ZNF365: variants seen among roughly 807,000 people sequenced by gnomAD.
ZNF365 encodes the protein protein ZNF365.
In ZNF365, 22 loss-of-function variants were observed where a neutral mutation model predicts 35.0. The ratio of observed to expected loss-of-function variants is 0.63; its 90% CI spans 0.45 to 0.90. The LOEUF is 0.90. Ranked by LOEUF, ZNF365 falls within the 40% of genes least tolerant of loss-of-function variation. The probability of loss-of-function intolerance (pLI) is 0.00; values close to 1 mark genes in which losing one functional copy is unlikely to be tolerated. For synonymous variants in ZNF365, 188 were observed against 196.2 expected, an observed-to-expected ratio of 0.96 and a Z score of 0.35; for missense variants, 448 against 500.3, an observed-to-expected ratio of 0.90 and a Z score of 1.00.
At chr10:62,431,461 AT>A (rs906876504) in intron 3 of ZNF365, among the ~76,000 whole-genome samples, 2 of 152,022 alleles carry the variant, frequency 1.3e-5, no homozygotes, top group African/African-American at 2.4e-5. Flanking sequence ...CTTTCCTCTT[AT>A]TTTTTTAACA....
chr10:62,416,913 T>C (rs1343098586), intron 3 of ZNF365, among the ~76,000 whole-genome samples: 6 of 152,014 alleles, frequency 3.9e-5, no homozygotes, highest in Non-Finnish European at 8.8e-5. Context: ...TGTATTACTA[T>C]AATTTAATGT....
At chr10:62,462,262 A>G (rs1261405839) in intron 4 of ZNF365, among the ~76,000 whole-genome samples, 1 of 152,228 alleles carries the variant, frequency 6.6e-6, no homozygotes, top group Admixed American at 6.5e-5. Context: ...TATGTTTTAC[A>G]CTTTCTCTTC....
chr10:62,427,299 T>C (rs1840265042), intron 3 of ZNF365, among the ~76,000 whole-genome samples: 1 of 152,228 alleles, frequency 6.6e-6, no homozygotes, highest in South Asian at 2.1e-4. Context: ...GTACCTTTAG[T>C]ATGTTTAGAT....
intron 4 of ZNF365, among the ~76,000 whole-genome samples, chr10:62,479,168 G>A (rs1369557640): frequency 1.3e-5 from 2 of 152,192 alleles, no homozygotes; most frequent in Admixed American, 6.5e-5. Context: ...TAAATGGCCT[G>A]CAGAAATTCC....
chr10:62,404,080 G>C (rs1232143900), downstream of ZNF365, among the ~76,000 whole-genome samples: 1 of 152,092 alleles, frequency 6.6e-6, no homozygotes. Context: ...TCGAACTATA[G>C]CCCTATGTTA....
At chr10:62,453,539 G>T (rs1207380587) in intron 3 of ZNF365, among the ~76,000 whole-genome samples, 2 of 152,174 alleles carry the variant, frequency 1.3e-5, no homozygotes, top group Non-Finnish European at 2.9e-5. Flanking sequence ...GTTGATGGAT[G>T]GACACTTAGA....
intron 3 of ZNF365, among the ~76,000 whole-genome samples, chr10:62,443,632 T>C (rs1366354427): frequency 6.6e-6 from 1 of 152,040 alleles, no homozygotes; most frequent in African/African-American, 2.4e-5. Context: ...AGAAAATAAA[T>C]GTGATTGTAG....
intron 3 of ZNF365, among the ~76,000 whole-genome samples, chr10:62,450,470 T>C (rs1840662769): frequency 6.6e-6 from 1 of 152,194 alleles, no homozygotes; most frequent in East Asian, 1.9e-4. Flanking sequence ...GTCATTGTCT[T>C]GAGATTCTTA....
intron 3 of ZNF365, among the ~76,000 whole-genome samples, chr10:62,451,010 G>T (rs1840675675): frequency 6.6e-6 from 1 of 152,130 alleles, no homozygotes; most frequent in African/African-American, 2.4e-5. Flanking sequence ...TTTTACAACT[G>T]GGAATAGCTT....
chr10:62,440,872 T>C (rs1165152811), intron 3 of ZNF365, among the ~76,000 whole-genome samples: 2 of 152,182 alleles, frequency 1.3e-5, no homozygotes, highest in Non-Finnish European at 2.9e-5. Flanking sequence ...ATTTAGTAAA[T>C]AACAGAATGA....
At chr10:62,415,085 AT>A (rs34439932) in intron 3 of ZNF365, among the ~76,000 whole-genome samples, 95,610 of 151,752 alleles carry the variant, frequency 0.63, 30,797 homozygotes, top group East Asian at 0.84. Flanking sequence ...TATTTTCCTT[AT>A]TTTTTTGAAC....
chr10:62,421,386 T>C (rs1032105569), intron 3 of ZNF365, among the ~76,000 whole-genome samples: 2 of 152,186 alleles, frequency 1.3e-5, no homozygotes, highest in Non-Finnish European at 2.9e-5. Context: ...CCCAATCTTT[T>C]TAGGGATTAC....
intron 4 of ZNF365, among the ~76,000 whole-genome samples, chr10:62,475,392 C>A (rs1456293506): frequency 6.6e-6 from 1 of 152,118 alleles, no homozygotes; most frequent in Non-Finnish European, 1.5e-5. Context: ...TATAAATGAA[C>A]ACTGCATTGG....
rs1044973365 is a variant in ZNF365, at chr10:62,440,233, T to C, written c.925-19508T>C. On this transcript the variant is annotated intron_variant, in intron 3 of 4. Coordinates refer to the ZNF365 transcript ENST00000395255. ...ATCTCCTCTTCTTGTTTCTTTCTCT[T>C]TTTTTTTAAACTTTTATTTTAGGTT... is the stretch of plus-strand genomic sequence containing the variant. Among the ~76,000 whole-genome samples, 8 of 151,622 alleles carry C rather than the reference T, an allele frequency of 5.3e-5. 1 individual carries two copies. Among genetic ancestry groups the C allele is most frequent in the Admixed American group, 1.3e-4 (2 of 15,218 alleles).
At chr10:62,445,220 G>C in intron 3 of ZNF365, among the ~76,000 whole-genome samples, 1 of 151,068 alleles carries the variant, frequency 6.6e-6, no homozygotes, top group Non-Finnish European at 1.5e-5. Context: ...ATTGTGAATA[G>C]TGCCACAATA....
At chr10:62,473,577 A>C (rs921413470) in intron 4 of ZNF365, among the ~76,000 whole-genome samples, 11 of 143,852 alleles carry the variant, frequency 7.6e-5, no homozygotes, top group Admixed American at 6.2e-4. Context: ...CTCTGTAATG[A>C]AGTTCTTCAT....
intron 4 of ZNF365, among the ~76,000 whole-genome samples, chr10:62,472,151 C>T (rs951360768): frequency 6.6e-6 from 1 of 152,158 alleles, no homozygotes; most frequent in African/African-American, 2.4e-5. Flanking sequence ...CCAAGTGGTG[C>T]CCTTCAAGCT....
chr10:62,478,803 T>C (rs1841174817), intron 4 of ZNF365, among the ~76,000 whole-genome samples: 1 of 152,180 alleles, frequency 6.6e-6, no homozygotes, highest in Admixed American at 6.5e-5. Flanking sequence ...CTCGATCTCC[T>C]GACCTCGTGA....
chr10:62,413,288 A>G (rs1180169125), intron 3 of ZNF365, among the ~76,000 whole-genome samples: 1 of 152,176 alleles, frequency 6.6e-6, no homozygotes, highest in African/African-American at 2.4e-5. Context: ...TTGTCAGGCT[A>G]AACATATTTC....
Sources: allele counts gnomAD v4.1 joint callset (sites outside exome capture counted in the v4.1 genomes callset), GRCh38; gene constraint gnomAD v4.1.1; transcripts MANE v1.5; gene names NCBI Gene and HGNC (gene_info 2026-07-23, HGNC 2026-07-21).